JMJD7: variants seen among roughly 807,000 people sequenced by gnomAD.
JMJD7 encodes the protein bifunctional peptidase and (3S)-lysyl hydroxylase JMJD7.
In JMJD7, 41 loss-of-function variants were observed where a neutral mutation model predicts 41.1. The ratio of observed to expected loss-of-function variants is 1.00; its 90% CI spans 0.78 to 1.30. JMJD7 has a LOEUF of 1.30. Ranked by LOEUF, JMJD7 falls within the 50% of genes most tolerant of loss-of-function variation. The pLI is 0.00. For missense variants in JMJD7, 480 were observed against 420.7 expected, an observed-to-expected ratio of 1.14 and a Z score of -1.23; for synonymous variants, 202 against 177.2, an observed-to-expected ratio of 1.14 and a Z score of -1.11.
At chr15:41,836,381 C>T (rs749126841) in intron 5 of JMJD7, 94 bp from the exon 6 acceptor site, 11 of 1,553,470 alleles carry the variant, frequency 7.1e-6, no homozygotes, top group Non-Finnish European at 9.6e-6. Flanking sequence ...CCCTGATCCC[C>T]TTGCCCCTGC....
chr15:41,835,795 G>T, intron 4 of JMJD7, 151 bp downstream of exon 4: 1 of 987,670 alleles, frequency 1.0e-6, no homozygotes, highest in South Asian at 1.8e-5. Context: ...ACCACAGAGG[G>T]TTTCCCCTGA....
In JMJD7 at chr15:41,837,233, A is replaced by G. The variant is rs368346304; in HGVS notation, c.*77A>G. 6.0e-6 allele frequency: 6 copies of G among 1,004,592 alleles called. No homozygotes were observed. In the South Asian group the frequency reaches 7.1e-5, roughly 12 times the overall value. The allele number at this position is 1,004,592 out of a possible 1,614,324, so 62.2% of individuals were successfully genotyped here. ...CTCCCTGGCCAGGTCAATTCTCGAG[A>G]GAGCCTGGAGTGTGCATGCTGGCTG... is the stretch of plus-strand genomic sequence containing the variant. On this transcript the variant is annotated 3_prime_UTR_variant, in exon 8 of 8. Transcript: ENST00000397299.
chr15:41,832,161 A>C (rs536677240), intron 1 of JMJD7, among the ~76,000 whole-genome samples: 1 of 152,286 alleles, frequency 6.6e-6, no homozygotes, highest in East Asian at 1.9e-4. Context: ...CGCAGCCCAC[A>C]TGCCTAGCTG....
At chr15:41,833,941 A>G (rs1224445808) in intron 1 of JMJD7, among the ~76,000 whole-genome samples, 1 of 152,208 alleles carries the variant, frequency 6.6e-6, no homozygotes, top group Non-Finnish European at 1.5e-5. Flanking sequence ...CATAGGAGAC[A>G]GAATCAACAG....
At chr15:41,830,492 C>T (rs1294945602) in intron 1 of JMJD7, among the ~76,000 whole-genome samples, 2 of 152,358 alleles carry the variant, frequency 1.3e-5, no homozygotes, top group East Asian at 1.9e-4. Flanking sequence ...GAGCCCCACC[C>T]CTTCCAAGTT....
At chr15:41,835,810 T>G (rs1247271193) in intron 4 of JMJD7, among the ~76,000 whole-genome samples, 166 bp downstream of exon 4, 1 of 152,176 alleles carries the variant, frequency 6.6e-6, no homozygotes, top group Non-Finnish European at 1.5e-5. Flanking sequence ...CCCTGACAGC[T>G]GAGGTCGGGG....
chr15:41,833,430 T>TTTTTTA (rs1555457163), intron 1 of JMJD7, among the ~76,000 whole-genome samples: 8 of 101,826 alleles, frequency 7.9e-5, no homozygotes, highest in African/African-American at 2.4e-4. Context: ...TTTTTTTTTT[T>TTTTTTA]TTTTTTTTGA....
intron 1 of JMJD7, among the ~76,000 whole-genome samples, chr15:41,831,054 C>T (rs1348477219): frequency 6.6e-6 from 1 of 152,236 alleles, no homozygotes; most frequent in African/African-American, 2.4e-5. Flanking sequence ...CTGCCGGTTC[C>T]ATGGACCGGA....
chr15:41,832,166 T>C (rs1253974748), intron 1 of JMJD7, among the ~76,000 whole-genome samples: 1 of 152,166 alleles, frequency 6.6e-6, no homozygotes, highest in Non-Finnish European at 1.5e-5. Context: ...CCCACATGCC[T>C]AGCTGTGCGC....
chr15:41,833,417 T>TTTTTTC (rs1567164859), intron 1 of JMJD7, among the ~76,000 whole-genome samples: 4 of 79,550 alleles, frequency 5.0e-5, no homozygotes, highest in African/African-American at 2.1e-4. Flanking sequence ...TATATATATT[T>TTTTTTC]TTTTTTTTTT....
Position 41,837,094 on chromosome 15 carries a change from G to A in JMJD7, c.889G>A (p.Asp297Asn), listed in dbSNP as rs760407879. ...GAATTTCTGGTATGACATGGAATACGACCTCAAGTATAGTTACTTCCAGCT... is the reference window on the plus strand; with the variant it reads ...GAATTTCTGGTATGACATGGAATACAACCTCAAGTATAGTTACTTCCAGCT... ...AVNFWYDMEY[D>N]LKYSYFQLLD... Residue 297 changes from aspartate to asparagine, a missense_variant, in exon 8 of 8, where the codon GAC (aspartate) becomes AAC (asparagine). Transcript: ENST00000397299. 7.4e-6 allele frequency: 12 copies of A among 1,613,482 alleles called. No homozygotes were observed. The highest frequency in any genetic ancestry group is 5.5e-5 in the South Asian group (5 of 91,058).
At chr15:41,836,643 T>G in intron 6 of JMJD7, 92 bp downstream of exon 6, 1 of 1,469,862 alleles carries the variant, frequency 6.8e-7, no homozygotes, top group Non-Finnish European at 9.0e-7. Flanking sequence ...GGTGGCACCT[T>G]GCTCTGAAAA....
Position 41,836,472 on chromosome 15 carries a change from C to T in JMJD7, c.626-3C>T. 1 of 1,579,178 alleles carries T rather than the reference C, an allele frequency of 6.3e-7. No individual in the cohort carries two copies. Among genetic ancestry groups the T allele is most frequent in the Non-Finnish European group, 8.6e-7 (1 of 1,161,532 alleles). ...CCCCACACCCTTCTCCCTTGGGCTC[C>T]AGAGCTGTACACGCCGGCAACCTAC... On this transcript the variant is annotated splice_polypyrimidine_tract_variant and splice_region_variant and intron_variant, in intron 5 of 7. Coordinates refer to ENST00000397299, the MANE Select transcript of JMJD7 (RefSeq NM_001114632.2).
chr15:41,830,738 C>T (rs767239849), intron 1 of JMJD7, among the ~76,000 whole-genome samples: 9 of 152,216 alleles, frequency 5.9e-5, no homozygotes, highest in Non-Finnish European at 1.0e-4. Context: ...CTGGCTTCTC[C>T]CCACTGTCAG....
Position 41,836,880 on chromosome 15 carries a change from A to T in JMJD7, c.802A>T (p.Met268Leu). The T allele has an allele frequency of 6.2e-7, 1 of 1,613,404 alleles. No homozygotes were observed. Among genetic ancestry groups the T allele is most frequent in the Non-Finnish European group, 8.5e-7 (1 of 1,179,782 alleles). Reference sequence around the variant, plus strand: ...TCGCTGCACGGTGCGGGCCGGTGAGATGCTCTATCTGCCGGCTCTGTGGTT... The same window carrying T: ...TCGCTGCACGGTGCGGGCCGGTGAGTTGCTCTATCTGCCGGCTCTGTGGTT... ...ALRCTVRAGEMLYLPALWFHH... is the reference protein window; with the variant it reads ...ALRCTVRAGELLYLPALWFHH... Residue 268 changes from methionine to leucine, a missense_variant, in exon 7 of 8, where the codon ATG becomes TTG. Physicochemically the swap from Met to Leu is conservative, Grantham distance 15 (BLOSUM62 2). Transcript: ENST00000397299.
At chr15:41,830,384 T>C (rs1040172382) in intron 1 of JMJD7, among the ~76,000 whole-genome samples, 18 of 152,234 alleles carry the variant, frequency 1.2e-4, no homozygotes, top group Admixed American at 3.3e-4. Context: ...TGCCATGCCA[T>C]ATGCACCTTG....
chr15:41,836,362 C>T, intron 5 of JMJD7, 113 bp from the exon 6 acceptor site: 1 of 1,550,894 alleles, frequency 6.4e-7, no homozygotes, highest in South Asian at 1.2e-5. Context: ...ATCCCCAGTG[C>T]ACCAGGGCCC....
rs559140287 is a variant in JMJD7 at position 41,837,055 on chromosome 15, G to T, written c.863-13G>T. 1 of 1,611,026 alleles carries T rather than the reference G, an allele frequency of 6.2e-7. No individual in the cohort carries two copies. Among genetic ancestry groups the T allele is most frequent in the Non-Finnish European group, 8.5e-7 (1 of 1,177,344 alleles). ...GAGGGATCTTCATGCTCAGATCCCCGTTCTTCCCACAGTGAATTTCTGGTA... is the reference window on the plus strand; with the variant it reads ...GAGGGATCTTCATGCTCAGATCCCCTTTCTTCCCACAGTGAATTTCTGGTA... On this transcript the variant is annotated splice_polypyrimidine_tract_variant and intron_variant, in intron 7 of 7. Coordinates refer to ENST00000397299, the MANE Select transcript of JMJD7 (RefSeq NM_001114632.2).
chr15:41,835,474 G>T, intron 3 of JMJD7, 114 bp from the exon 4 acceptor site: 1 of 1,466,596 alleles, frequency 6.8e-7, no homozygotes, highest in Non-Finnish European at 9.2e-7. Context: ...TCTTCTCCCT[G>T]ACCCCTTTCT....
Sources: allele counts gnomAD v4.1 joint callset (sites outside exome capture counted in the v4.1 genomes callset), GRCh38; gene constraint gnomAD v4.1.1; transcripts MANE v1.5; gene names NCBI Gene and HGNC (gene_info 2026-07-23, HGNC 2026-07-21).